Variants in CABLES1 observed in about 807,000 individuals in gnomAD.
CABLES1 encodes the protein Cdk5 and Abl enzyme substrate 1, also known as CDK5 and ABL1 enzyme substrate 1.
CABLES1 carries 36 observed loss-of-function variants against 57.8 expected under a neutral mutation model. That is an observed-to-expected ratio of 0.62 (90% CI 0.48 to 0.82). The LOEUF is 0.82. CABLES1 is among the 40% of genes least tolerant of loss of function. The probability of loss-of-function intolerance (pLI) is 0.00; values close to 1 mark genes in which losing one functional copy is unlikely to be tolerated. For synonymous variants in CABLES1, 374 were observed against 363.0 expected, an observed-to-expected ratio of 1.03 and a Z score of -0.35; for missense variants, 767 against 836.6, an observed-to-expected ratio of 0.92 and a Z score of 1.03.
In CABLES1 at chr18:23,136,587, C is replaced by T. The variant is rs761579105; in HGVS notation, c.825C>T (p.Phe275=). 6.7e-7 allele frequency: 1 copy of T among 1,489,512 alleles called. No homozygotes were observed. Among genetic ancestry groups the T allele is most frequent in the Non-Finnish European group, 8.9e-7 (1 of 1,123,954 alleles). The allele number at this position is 1,489,512 out of a possible 1,614,324, so 92.3% of individuals were successfully genotyped here. ...GCCAGGGCGGCAGCACCAGCGCCTT[C>T]GAGCAGCTGCAGAGGTCCCGGTGAG... ...QPGQGGSTSA[F]EQLQRSRRRL... Residue 275 remains phenylalanine (F), a synonymous_variant, in exon 1 of 10, where the codon TTC becomes TTT. Transcript: ENST00000256925.
intron 6 of CABLES1, among the ~76,000 whole-genome samples, 175 bp from the exon 7 acceptor site, chr18:23,236,967 T>C (rs2047621710): frequency 6.6e-6 from 1 of 152,166 alleles, no homozygotes; most frequent in Non-Finnish European, 1.5e-5. Context: ...GAGAATCCAC[T>C]TCACTGGCAC....
At position 23,194,452 on chromosome 18, in the gene CABLES1, C is replaced by T. The variant is rs1320620321; in HGVS notation, c.922C>T (p.Arg308Ter). Residue 308 changes from arginine (R) to a stop codon, truncating the protein, a stop_gained, in exon 3 of 10, where the codon CGA (arginine) becomes TGA (stop). Transcript: ENST00000256925. LOFTEE classifies it high-confidence loss of function. ...IEENAPLRRCRTLSGSPRPKN... is the reference protein window; with the variant it reads ...IEENAPLRRC Reference sequence around the variant, plus strand: ...TGAAATGACTTTATTTTTCAGATGTCGAACTCTCTCAGGTTCACCCAGACC... The same window carrying T: ...TGAAATGACTTTATTTTTCAGATGTTGAACTCTCTCAGGTTCACCCAGACC... The T allele has an allele frequency of 1.2e-6, 2 of 1,604,760 alleles. No homozygotes were observed. Among genetic ancestry groups the T allele is most frequent in the Non-Finnish European group, 8.5e-7 (1 of 1,171,546 alleles).
At chr18:23,222,728 G>A (rs1029382208) in intron 4 of CABLES1, among the ~76,000 whole-genome samples, 1 of 152,062 alleles carries the variant, frequency 6.6e-6, no homozygotes, top group Non-Finnish European at 1.5e-5. Flanking sequence ...TCATCCTTGA[G>A]GGCACCTCCA....
intron 4 of CABLES1, among the ~76,000 whole-genome samples, chr18:23,215,442 C>A (rs2047434565): frequency 6.6e-6 from 1 of 152,196 alleles, no homozygotes; most frequent in Non-Finnish European, 1.5e-5. Context: ...GTGTGACCAG[C>A]CTGGGCATAC....
chr18:23,219,530 CT>C (rs979503631), intron 4 of CABLES1, among the ~76,000 whole-genome samples: 4 of 152,202 alleles, frequency 2.6e-5, no homozygotes, highest in Non-Finnish European at 5.9e-5. Context: ...AGGGCCTGCC[CT>C]GTTGAGAGAT....
chr18:23,218,109 A>G (rs2047455862), intron 4 of CABLES1, among the ~76,000 whole-genome samples: 1 of 152,242 alleles, frequency 6.6e-6, no homozygotes, highest in Non-Finnish European at 1.5e-5. Context: ...CTTCATCACA[A>G]GAAAGTTCTA....
At chr18:23,207,328 C>T (rs2047371420) in intron 3 of CABLES1, among the ~76,000 whole-genome samples, 1 of 152,124 alleles carries the variant, frequency 6.6e-6, no homozygotes, top group South Asian at 2.1e-4. Context: ...CGTGGAGGTC[C>T]GTGAACATTT....
At chr18:23,247,013 A>G (rs2047912725) in intron 7 of CABLES1, among the ~76,000 whole-genome samples, 1 of 152,222 alleles carries the variant, frequency 6.6e-6, no homozygotes, top group African/African-American at 2.4e-5. Context: ...TATAATTCAT[A>G]CAATTCAAAC....
chr18:23,236,851 G>A (rs889973930), intron 6 of CABLES1, among the ~76,000 whole-genome samples: 1 of 152,196 alleles, frequency 6.6e-6, no homozygotes, highest in Admixed American at 6.5e-5. Flanking sequence ...CATCTTGCAC[G>A]CTGTGTGAAG....
intron 3 of CABLES1, among the ~76,000 whole-genome samples, chr18:23,201,927 T>G (rs2145036799): frequency 6.6e-6 from 1 of 152,110 alleles, no homozygotes; most frequent in East Asian, 1.9e-4. Flanking sequence ...CCTGGGGCTA[T>G]CCCAGTGGGG....
At chr18:23,191,906 T>TAA (rs147984743) in intron 2 of CABLES1, among the ~76,000 whole-genome samples, 95 of 82,608 alleles carry the variant, frequency 1.2e-3, no homozygotes, top group Middle Eastern at 6.8e-3. Context: ...GTTGAATGCT[T>TAA]AAAAAAAAAA....
intron 3 of CABLES1, among the ~76,000 whole-genome samples, chr18:23,201,381 G>A (rs1322375470): frequency 2.0e-5 from 3 of 152,202 alleles, no homozygotes; most frequent in Non-Finnish European, 2.9e-5. Context: ...CCATCAGCAT[G>A]CATGTCGTGT....
chr18:23,230,543 G>A (rs2047560065), intron 4 of CABLES1, among the ~76,000 whole-genome samples: 1 of 152,190 alleles, frequency 6.6e-6, no homozygotes, highest in Non-Finnish European at 1.5e-5. Flanking sequence ...ATCTGAGGGA[G>A]GAAAAGCGTG....
Position 23,162,382 on chromosome 18 carries a change from C to G in CABLES1, c.845+25775C>G, listed in dbSNP as rs564203536. Among the ~76,000 whole-genome samples the G allele has an allele frequency of 2.0e-5, 3 of 152,268 alleles. No individual in the cohort carries two copies. In the East Asian group the frequency reaches 5.8e-4, roughly 29 times the overall value. On this transcript the variant is annotated intron_variant, in intron 1 of 9. Transcript: ENST00000256925. The stretch of plus-strand genomic sequence containing the variant: ...GCCAGTTGCTTGATGTCCTGATATC[C>G]TTTTATAAACCTAGGCAGCTGAAGG...
chr18:23,197,008 G>A (rs549606517), intron 3 of CABLES1: 1 of 152,416 alleles, frequency 6.6e-6, no homozygotes, highest in South Asian at 2.1e-4. Flanking sequence ...CAGTATTGAG[G>A]AGGATTTGGA....
chr18:23,175,409 C>G (rs1383927398), intron 1 of CABLES1, among the ~76,000 whole-genome samples: 1 of 152,184 alleles, frequency 6.6e-6, no homozygotes, highest in Non-Finnish European at 1.5e-5. Context: ...TGACCTCATT[C>G]CTGGGCTTCT....
chr18:23,187,867 C>CAA (rs535035487), intron 1 of CABLES1, among the ~76,000 whole-genome samples: 1 of 151,960 alleles, frequency 6.6e-6, no homozygotes, highest in African/African-American at 2.4e-5. Flanking sequence ...GAAACAAAAA[C>CAA]AAAAAAACAC....
chr18:23,248,845 G>A (rs115300971), intron 7 of CABLES1, among the ~76,000 whole-genome samples: 463 of 152,230 alleles, frequency 3.0e-3, no homozygotes, highest in African/African-American at 0.01. Context: ...GAAGAAGAAA[G>A]GTATCTAATA....
chr18:23,177,297 A>T (rs1040478799), intron 1 of CABLES1, among the ~76,000 whole-genome samples: 2 of 151,912 alleles, frequency 1.3e-5, no homozygotes, highest in African/African-American at 2.4e-5. Flanking sequence ...CTGTCTAAGG[A>T]GGTAACTCTG....
Sources: gnomAD v4.1 joint callset for allele counts (sites outside exome capture counted in the v4.1 genomes callset) on GRCh38, gnomAD v4.1.1 for gene constraint, MANE v1.5 for transcripts, NCBI Gene and HGNC (gene_info 2026-07-23, HGNC 2026-07-21) for gene names.